The following HLTF variants were observed in gnomAD, a reference collection of about 807,000 sequenced individuals.
HLTF encodes the protein helicase like transcription factor, also known as DNA-dependent ATPase/E3 ubiquitin-protein ligase HLTF.
Under a neutral mutation model 129.4 loss-of-function variants are expected in HLTF, and 127 were observed. That is an observed-to-expected ratio of 0.98 (90% CI 0.85 to 1.14). The LOEUF (loss-of-function observed/expected upper bound fraction) is 1.14, where lower values mean the gene tolerates loss of function less well. HLTF is among the 50% of genes most tolerant of loss of function. HLTF has a pLI of 0.00. For synonymous variants in HLTF, 332 were observed against 388.8 expected (o/e 0.85, Z 1.72); for missense variants, 1,139 against 1,187.1 (o/e 0.96, Z 0.60).
In HLTF at chr3:149,086,394, G is replaced by T. The variant is rs531215772; in HGVS notation, c.-58C>A. On this transcript the variant is annotated 5_prime_UTR_variant, in exon 1 of 25. Transcript: ENST00000310053. ...GGCTCCCCTGGATCGTTTTCGAGCC[G>T]CCTCGATACGCCTCCTTCCAGGCCC... The T allele has an allele frequency of 1.2e-4, 177 of 1,535,512 alleles. No homozygotes were observed. The highest frequency in any genetic ancestry group is 1.8e-4 in the Admixed American group (9 of 51,252).
intron 3 of HLTF, among the ~76,000 whole-genome samples, chr3:149,074,791 A>G (rs888007779): frequency 6.6e-6 from 1 of 152,210 alleles, no homozygotes; most frequent in African/African-American, 2.4e-5. Context: ...ACAAAGTGAG[A>G]CATTATGAGC....
Position 149,078,916 on chromosome 3 carries a change from C to A in HLTF, c.229-2869G>T, listed in dbSNP as rs73866949. 5.8e-3 allele frequency among the ~76,000 whole-genome samples: 883 copies of A among 151,180 alleles called. 10 individuals carry two copies. Among genetic ancestry groups the A allele is most frequent in the African/African-American group, 0.02 (839 of 41,310 alleles). ...CAAATCATTTCTTTCGACATGAAAA[C>A]GCATGTCTAAAAGCATGGAGACGAT... On this transcript the variant is annotated intron_variant, in intron 2 of 24. Transcript: ENST00000310053.
chr3:149,078,217 A>G (rs1020827025), intron 2 of HLTF, among the ~76,000 whole-genome samples: 1 of 152,248 alleles, frequency 6.6e-6, no homozygotes, highest in African/African-American at 2.4e-5. Flanking sequence ...GATGTTTGAC[A>G]TAGTAGAAAA....
intron 2 of HLTF, among the ~76,000 whole-genome samples, chr3:149,081,274 A>T (rs540837945): frequency 1.8e-4 from 27 of 151,774 alleles, no homozygotes; most frequent in African/African-American, 6.5e-4. Context: ...CTAAAAAAAA[A>T]AAAACAAAAA....
intron 2 of HLTF, among the ~76,000 whole-genome samples, chr3:149,077,286 AT>A (rs1719460483): frequency 6.7e-6 from 1 of 148,560 alleles, no homozygotes; most frequent in Non-Finnish European, 1.5e-5. Flanking sequence ...AAATAAATAA[AT>A]AAATAAAAAT....
chr3:149,081,209 T>C (rs1343586620), intron 2 of HLTF, among the ~76,000 whole-genome samples: 1 of 148,420 alleles, frequency 6.7e-6, no homozygotes, highest in Admixed American at 6.7e-5. Flanking sequence ...CATTATAAAA[T>C]AAAGCCTTTG....
At chr3:149,086,135 G>A (rs1489715168) in intron 1 of HLTF, among the ~76,000 whole-genome samples, 182 bp downstream of exon 1, 1 of 152,172 alleles carries the variant, frequency 6.6e-6, no homozygotes, top group Non-Finnish European at 1.5e-5. Context: ...CGCCCTAGGA[G>A]CCCCTACTCG....
chr3:149,033,366 T>C (rs1012449201), intron 24 of HLTF, among the ~76,000 whole-genome samples: 8 of 136,854 alleles, frequency 5.8e-5, no homozygotes, highest in Non-Finnish European at 1.1e-4. Flanking sequence ...AATAATAAAT[T>C]CAATAAATCT....
rs542185180 is a variant in HLTF at position 149,083,650 on chromosome 3, G to A, written c.228+1032C>T. 5.9e-5 allele frequency: 9 copies of A among 151,608 alleles called. 1 individual carries two copies. The highest frequency in any genetic ancestry group is 2.2e-4 in the African/African-American group (9 of 41,326). 9.4% of individuals were successfully genotyped at this position (151,608 alleles called of 1,614,324 possible). On this transcript the variant is annotated intron_variant, in intron 2 of 24. Transcript: ENST00000310053. ...TATTAGAAAAAATTAGAGGCCGGGT[G>A]CAGCATCCCAGCACTTGGAGAGGCC...
intron 5 of HLTF, among the ~76,000 whole-genome samples, chr3:149,072,058 A>C (rs562145402): frequency 1.3e-4 from 20 of 152,308 alleles, no homozygotes; most frequent in African/African-American, 4.8e-4. Context: ...GTCCCAAAAA[A>C]TTAAGAAATT....
chr3:149,085,679 C>T (rs1720306016), intron 1 of HLTF, among the ~76,000 whole-genome samples: 1 of 152,166 alleles, frequency 6.6e-6, no homozygotes, highest in South Asian at 2.1e-4. Context: ...ACCACGCCAC[C>T]GTGGGAAATT....
chr3:149,046,354 T>C, intron 17 of HLTF, 95 bp from the exon 18 acceptor site: 1 of 667,910 alleles, frequency 1.5e-6, no homozygotes, highest in Non-Finnish European at 2.3e-6. Flanking sequence ...TGTTACTGTT[T>C]TATAGCTTCT....
In HLTF at chr3:149,043,096, C is replaced by CA. The variant is rs202075733; in HGVS notation, c.2073-807dup. Among the ~76,000 whole-genome samples the CA allele has an allele frequency of 3.0e-3, 402 of 136,196 alleles. 3 individuals carry two copies. The highest frequency in any genetic ancestry group is 6.5e-3 in the African/African-American group (240 of 37,114). 89.3% of individuals were successfully genotyped at this position (136,196 alleles called of 152,430 possible). A position where few individuals can be genotyped will look rare whatever the true frequency, so the allele number is the denominator to read the frequency against. On this transcript the variant is annotated intron_variant, in intron 18 of 24. Transcript: ENST00000310053. ...ACACCACTCAATAAAACAATTCCTC[C>CA]AAAAAAAAAAAATCTTAAAGCAAAG... is the stretch of plus-strand genomic sequence containing the variant.
chr3:149,084,968 T>G, intron 1 of HLTF, 79 bp from the exon 2 acceptor site: 1 of 947,374 alleles, frequency 1.1e-6, no homozygotes, highest in East Asian at 2.6e-5. Context: ...TTTCTCATGC[T>G]TTACTTCAGC....
In HLTF at chr3:149,040,137, A is replaced by G; in HGVS notation, c.2396T>C (p.Leu799Ser). 6.2e-7 allele frequency: 1 copy of G among 1,608,200 alleles called. No homozygotes were observed. Among genetic ancestry groups the G allele is most frequent in the Non-Finnish European group, 8.5e-7 (1 of 1,177,912 alleles). Residue 799 changes from leucine (L) to serine (S), a missense_variant, in exon 21 of 25, where the codon TTA becomes TCA. Leu to Ser is a moderately radical substitution (Grantham distance 145, BLOSUM62 -2). Coordinates refer to ENST00000310053, the MANE Select transcript of HLTF (RefSeq NM_003071.4). ...QNEQPHAKCP[L>S]CRNDIHEDNL... is the part of the protein sequence containing the mutation. ...ATCTTCATGTATATCATTTCTGCATAAAGGGCATTTAGCATGTGGCTATAT... is the reference window on the plus strand; with the variant it reads ...ATCTTCATGTATATCATTTCTGCATGAAGGGCATTTAGCATGTGGCTATAT...
At chr3:149,036,640 G>A (rs1387956384) in intron 23 of HLTF, among the ~76,000 whole-genome samples, 1 of 151,968 alleles carries the variant, frequency 6.6e-6, no homozygotes, top group Admixed American at 6.6e-5. Context: ...AAGAAAGCTG[G>A]GCACAGTGCC....
chr3:149,046,474 A>G (rs1716557570), intron 17 of HLTF, among the ~76,000 whole-genome samples: 1 of 152,132 alleles, frequency 6.6e-6, no homozygotes, highest in Non-Finnish European at 1.5e-5. Context: ...ATTTCCCCTC[A>G]ATACCTAACA....
chr3:149,057,084 T>C (rs1717509196), intron 13 of HLTF, among the ~76,000 whole-genome samples: 1 of 107,882 alleles, frequency 9.3e-6, no homozygotes, highest in African/African-American at 3.8e-5. Flanking sequence ...CACTCCAGCC[T>C]GGGCGACAGC....
chr3:149,039,369 C>T (rs1373650876), intron 22 of HLTF, 140 bp from the exon 23 acceptor site: 1 of 683,718 alleles, frequency 1.5e-6, no homozygotes, highest in Non-Finnish European at 2.3e-6. Flanking sequence ...TATTAATATG[C>T]TAGGCACTGA....
Sources: allele counts gnomAD v4.1 joint callset (sites outside exome capture counted in the v4.1 genomes callset), GRCh38; gene constraint gnomAD v4.1.1; transcripts MANE v1.5; gene names NCBI Gene and HGNC (gene_info 2026-07-23, HGNC 2026-07-21).